The following BRCA2 variants were observed in gnomAD, a reference collection of about 807,000 sequenced individuals.
The protein encoded by BRCA2 is breast cancer type 2 susceptibility protein.
In BRCA2, 203 loss-of-function variants were observed where a neutral mutation model predicts 276.7. The ratio of observed to expected loss-of-function variants is 0.73; its 90% confidence interval spans 0.65 to 0.82. The LOEUF (loss-of-function observed/expected upper bound fraction) is 0.82. BRCA2 is among the 40% of genes least tolerant of loss of function. The pLI is 0.00. For synonymous variants in BRCA2, 1,289 were observed against 1,338.4 expected (o/e 0.96, Z 0.81); for missense variants, 3,920 against 3,915.0 (o/e 1.00, Z -0.03).
chr13:32,378,544 G>T (rs1369499740), intron 21 of BRCA2, among the ~76,000 whole-genome samples: 1 of 152,162 alleles, frequency 6.6e-6, no homozygotes, highest in Non-Finnish European at 1.5e-5. Flanking sequence ...AAGATACAGA[G>T]ATTGGATAGT....
In BRCA2 at chr13:32,380,063, C is replaced by T. The variant is rs2137625048; in HGVS notation, c.9174C>T (p.Ser3058=). 1 of 1,614,032 alleles carries T rather than the reference C, an allele frequency of 6.2e-7. No individual in the cohort carries two copies. The highest frequency in any genetic ancestry group is 1.1e-5 in the South Asian group (1 of 91,084). Residue 3058 remains serine, a synonymous_variant, in exon 24 of 27, where the codon AGC becomes AGT. Transcript: ENST00000380152. The part of the protein sequence containing the change: ...IYQPREPLHF[S]KFLDPDFQPS... ...AGCCACGGGAGCCCCTTCACTTCAG[C>T]AAATTTTTAGATCCAGACTTTCAGC...
chr13:32,375,141 C>T (rs993705815), intron 20 of BRCA2, among the ~76,000 whole-genome samples: 4 of 152,176 alleles, frequency 2.6e-5, no homozygotes, highest in East Asian at 1.9e-4. Flanking sequence ...AAACTGCCCC[C>T]GTGATCCAGT....
rs786201328 is a variant in BRCA2 at position 32,340,385 on chromosome 13, C to T, written c.6030C>T (p.Val2010=). 1.2e-6 allele frequency: 2 copies of T among 1,613,728 alleles called. No individual in the cohort carries two copies. The highest frequency in any genetic ancestry group is 8.5e-7 in the Non-Finnish European group (1 of 1,179,832). The change falls in exon 11 of 27, where the codon GTC becomes GTT. Residue 2010 remains valine, a synonymous_variant. Coordinates refer to ENST00000380152, the MANE Select transcript of BRCA2 (RefSeq NM_000059.4). ...FSEIEDSTKQ[V]FSKVLFKSNE... ...AAATAGAAGATAGTACCAAGCAAGT[C>T]TTTTCCAAAGTATTGTTTAAAAGTA...
At chr13:32,317,980 T>C (rs2072276099) in intron 2 of BRCA2, among the ~76,000 whole-genome samples, 1 of 152,218 alleles carries the variant, frequency 6.6e-6, no homozygotes, top group African/African-American at 2.4e-5. Flanking sequence ...GCTTCCTATT[T>C]TGTCAGAGAT....
At position 32,332,737 on chromosome 13, in the gene BRCA2, A is replaced by G. The variant is rs786201654; in HGVS notation, c.1259A>G (p.Asp420Gly). 4 of 1,610,486 alleles carry G rather than the reference A, an allele frequency of 2.5e-6. No individual in the cohort carries two copies. The highest frequency in any genetic ancestry group is 3.3e-4 in the Middle Eastern group (2 of 6,036). Residue 420 changes from aspartate to glycine, a missense_variant, in exon 10 of 27, where the codon GAC becomes GGC. By Grantham distance (94) the Asp-to-Gly change is moderately conservative. Coordinates refer to ENST00000380152, the MANE Select transcript of BRCA2 (RefSeq NM_000059.4). Reference protein sequence around the residue: ...KIPLLHISSCDQNISEKDLLD... With the variant: ...KIPLLHISSCGQNISEKDLLD... ...CCCCTATTGCATATTTCTTCATGTG[A>G]CCAAAATATTTCAGAAAAAGACCTA... is the stretch of plus-strand genomic sequence containing the variant.
intron 17 of BRCA2, 152 bp downstream of exon 17, chr13:32,362,845 C>T (rs1053864635): frequency 1.2e-6 from 1 of 863,752 alleles, no homozygotes; most frequent in African/African-American, 1.7e-5. Flanking sequence ...TCCCTAGCCC[C>T]CATTTAAGAG....
chr13:32,316,973 G>A (rs1393016612), intron 2 of BRCA2, among the ~76,000 whole-genome samples: 1 of 152,122 alleles, frequency 6.6e-6, no homozygotes, highest in Admixed American at 6.5e-5. Context: ...CGAGGTGGGC[G>A]GATCACTTGA....
intron 24 of BRCA2, among the ~76,000 whole-genome samples, chr13:32,392,365 G>T (rs1231314200): frequency 6.6e-6 from 1 of 152,144 alleles, no homozygotes; most frequent in African/African-American, 2.4e-5. Flanking sequence ...AGAATGGATA[G>T]CACCTACCCA....
At chr13:32,385,016 A>T in intron 24 of BRCA2, 1 of 358,494 alleles carries the variant, frequency 2.8e-6, no homozygotes. Flanking sequence ...ACTTACCTGG[A>T]CAAGGTAGAG....
intron 24 of BRCA2, among the ~76,000 whole-genome samples, chr13:32,392,521 C>T (rs1168732442): frequency 2.0e-5 from 3 of 150,378 alleles, no homozygotes; most frequent in Non-Finnish European, 4.4e-5. Context: ...ACCCGGGAGG[C>T]GGGGGCTGCG....
At position 32,339,501 on chromosome 13, in the gene BRCA2, T is replaced by C. The variant is rs1593904536; in HGVS notation, c.5146T>C (p.Tyr1716His). ...NTADYVGNYL[Y>H]ENNSNSTIAE... is the part of the protein sequence containing the mutation. ...TGCAGATTATGTAGGAAATTATTTG[T>C]ATGAAAATAATTCAAACAGTACTAT... The change falls in exon 11 of 27, where the codon TAT (tyrosine) becomes CAT (histidine). Residue 1716 changes from tyrosine (Y) to histidine (H), a missense_variant. Physicochemically the swap from Tyr to His is moderately conservative, Grantham distance 83. Coordinates refer to ENST00000380152, the MANE Select transcript of BRCA2 (RefSeq NM_000059.4). The C allele has an allele frequency of 6.3e-7, 1 of 1,583,814 alleles. No individual in the cohort carries two copies. The highest frequency in any genetic ancestry group is 8.6e-7 in the Non-Finnish European group (1 of 1,167,172).
chr13:32,351,771 A>G (rs540811041), intron 13 of BRCA2, among the ~76,000 whole-genome samples: 4 of 152,106 alleles, frequency 2.6e-5, no homozygotes, highest in Non-Finnish European at 5.9e-5. Flanking sequence ...CATTGAAATT[A>G]TTTTAATGTT....
Position 32,341,069 on chromosome 13 carries a change from T to C in BRCA2, c.6714T>C (p.Asp2238=), listed in dbSNP as rs28897742. The part of the protein sequence containing the change: ...VEIAKAFMED[D]ELTDSKLPSH... ...TTGCTAAAGCTTTTATGGAAGATGA[T>C]GAACTGACAGATTCTAAACTGCCAA... Residue 2238 remains aspartate (D), a synonymous_variant, in exon 11 of 27, where the codon GAT becomes GAC. Transcript: ENST00000380152. The C allele has an allele frequency of 6.2e-7, 1 of 1,613,882 alleles. No homozygotes were observed. Among genetic ancestry groups the C allele is most frequent in the Non-Finnish European group, 8.5e-7 (1 of 1,179,938 alleles).
chr13:32,315,985 C>A (rs2072254265), intron 1 of BRCA2, among the ~76,000 whole-genome samples: 1 of 152,228 alleles, frequency 6.6e-6, no homozygotes, highest in African/African-American at 2.4e-5. Flanking sequence ...AACACGATCA[C>A]TTTAACGGAA....
intron 16 of BRCA2, among the ~76,000 whole-genome samples, chr13:32,360,865 A>G (rs2072733615): frequency 1.3e-5 from 2 of 152,190 alleles, no homozygotes; most frequent in Admixed American, 1.3e-4. Context: ...CAAGGATTAG[A>G]TATAAAACGT....
At chr13:32,382,505 G>A (rs2072931151) in intron 24 of BRCA2, among the ~76,000 whole-genome samples, 1 of 152,216 alleles carries the variant, frequency 6.6e-6, no homozygotes, top group East Asian at 1.9e-4. Context: ...GATTAAGTCT[G>A]CCAAATGCTA....
chr13:32,340,688 G>C lies in BRCA2; in HGVS notation c.6333G>C (p.Lys2111Asn), dbSNP rs2137526524. Residue 2111 changes from lysine to asparagine, a missense_variant, in exon 11 of 27, where the codon AAG becomes AAC. By Grantham distance (94) the Lys-to-Asn change is moderately conservative. Transcript: ENST00000380152. Reference protein sequence around the residue: ...NVSKILPRVDKRNPEHCVNSE... With the variant: ...NVSKILPRVDNRNPEHCVNSE... Reference sequence around the variant, plus strand: ...CAAAAATACTTCCTCGTGTTGATAAGAGAAACCCAGAGCACTGTGTAAACT... The same window carrying C: ...CAAAAATACTTCCTCGTGTTGATAACAGAAACCCAGAGCACTGTGTAAACT... The C allele has an allele frequency of 1.2e-6, 2 of 1,608,604 alleles. No individual in the cohort carries two copies. Among genetic ancestry groups the C allele is most frequent in the Non-Finnish European group, 1.7e-6 (2 of 1,178,766 alleles).
intron 3 of BRCA2, among the ~76,000 whole-genome samples, chr13:32,320,611 T>C (rs1215437676): frequency 6.6e-6 from 1 of 152,214 alleles, no homozygotes; most frequent in Non-Finnish European, 1.5e-5. Flanking sequence ...GTTGAGCTTC[T>C]AGTGAAGGAG....
chr13:32,367,471 T>C (rs1161411550), intron 18 of BRCA2, among the ~76,000 whole-genome samples: 5 of 149,230 alleles, frequency 3.4e-5, no homozygotes, highest in African/African-American at 1.2e-4. Flanking sequence ...AGCAAAAAAT[T>C]GAAATTCATA....
Sources: allele counts gnomAD v4.1 joint callset (sites outside exome capture counted in the v4.1 genomes callset), GRCh38; gene constraint gnomAD v4.1.1; transcripts MANE v1.5; gene names NCBI Gene and HGNC (gene_info 2026-07-23, HGNC 2026-07-21).